Variants in MCC observed in about 807,000 individuals in gnomAD.
MCC encodes MCC regulator of Wnt signaling pathway, also known as colorectal mutant cancer protein.
Under a neutral mutation model 116.2 loss-of-function variants are expected in MCC, and 90 were observed. The ratio of observed to expected loss-of-function variants is 0.77; its 90% CI spans 0.65 to 0.92. The LOEUF is 0.92. MCC is among the 40% of genes least tolerant of loss of function. MCC has a pLI of 0.00. For synonymous variants in MCC, 578 were observed against 510.5 expected (o/e 1.13, Z -1.78); for missense variants, 1,516 against 1,312.2 (o/e 1.16, Z -2.40).
intron 6 of MCC, among the ~76,000 whole-genome samples, chr5:113,120,295 T>TTG (rs1757659765): frequency 6.6e-6 from 1 of 151,952 alleles, no homozygotes; most frequent in Admixed American, 6.6e-5. Flanking sequence ...TTGCAGGGAG[T>TTG]TGTGTGTATT....
chr5:113,046,710 A>AAAAAAAAAAAAAAAAAAAAAAAAAAAAAG lies in MCC; in HGVS notation c.2655+2382_2655+2383insCTTTTTTTTTTTTTTTTTTTTTTTTTTTT. The stretch of plus-strand genomic sequence containing the variant: ...CAAAAAAAAAAAAAAAAAAAAAAAA[A>AAAAAAAAAAAAAAAAAAAAAAAAAAAAAG]AGAGAGAGATTTTGAAGGTGTTTGT... On this transcript the variant is annotated intron_variant, in intron 16 of 18. Transcript: ENST00000408903. Among the ~76,000 whole-genome samples the AAAAAAAAAAAAAAAAAAAAAAAAAAAAAG allele has an allele frequency of 1.3e-3, 133 of 102,460 alleles. 27 individuals are homozygous for AAAAAAAAAAAAAAAAAAAAAAAAAAAAAG. Among genetic ancestry groups the AAAAAAAAAAAAAAAAAAAAAAAAAAAAAG allele is most frequent in the Non-Finnish European group, 1.9e-3 (98 of 51,344 alleles). 67.2% of individuals were successfully genotyped at this position (102,460 alleles called of 152,430 possible). A position where few individuals can be genotyped will look rare whatever the true frequency, so the allele number is the denominator to read the frequency against.
chr5:113,230,395 T>C (rs1277188378), intron 3 of MCC, among the ~76,000 whole-genome samples: 1 of 152,202 alleles, frequency 6.6e-6, no homozygotes, highest in Admixed American at 6.5e-5. Context: ...ATCAATGTGT[T>C]TTCAGAAACT....
chr5:113,239,932 G>A (rs1298957584), intron 3 of MCC, among the ~76,000 whole-genome samples: 1 of 152,156 alleles, frequency 6.6e-6, no homozygotes, highest in African/African-American at 2.4e-5. Context: ...TCTCCACACA[G>A]AGCTCAGGTT....
In MCC at chr5:113,027,173, G is replaced by A; in HGVS notation, c.*129C>T. ...AAGGGTTGAGTTGGGGCACTCCATT[G>A]TCCAAGTGCCGACCTACCTGCCAGC... is the stretch of plus-strand genomic sequence containing the variant. On this transcript the variant is annotated 3_prime_UTR_variant, in exon 19 of 19. Coordinates refer to ENST00000408903, the MANE Select transcript of MCC (RefSeq NM_001085377.2). 1.1e-6 allele frequency: 1 copy of A among 923,224 alleles called. No individual in the cohort carries two copies. Among genetic ancestry groups the A allele is most frequent in the Non-Finnish European group, 1.6e-6 (1 of 621,264 alleles). The allele number at this position is 923,224 out of a possible 1,614,324, so 57.2% of individuals were successfully genotyped here.
rs570921352 is a variant in MCC, at chr5:113,034,781, C to T, written c.2757-5725G>A. ...GTGAGCTCCAAGTTGTTGCATCCAG[C>T]GGTCTGGTCCCTTCTGTCCTTTTCT... On this transcript the variant is annotated intron_variant, in intron 17 of 18. Coordinates refer to ENST00000408903, the MANE Select transcript of MCC (RefSeq NM_001085377.2). Among the ~76,000 whole-genome samples the T allele has an allele frequency of 9.8e-5, 15 of 152,338 alleles. No homozygotes were observed. The South Asian group carries it at 1.2e-3, about 13-fold the overall frequency.
intron 3 of MCC, among the ~76,000 whole-genome samples, chr5:113,320,155 A>G (rs544922046): frequency 1.3e-4 from 20 of 152,344 alleles, no homozygotes; most frequent in African/African-American, 4.3e-4. Context: ...TAGCGTATAT[A>G]AACTTTTGCA....
At chr5:113,478,274 G>A (rs1441006536) in intron 1 of MCC, among the ~76,000 whole-genome samples, 1 of 152,288 alleles carries the variant, frequency 6.6e-6, no homozygotes, top group East Asian at 1.9e-4. Context: ...TGGGCCTTAG[G>A]TGGAATGTAG....
chr5:113,426,206 C>T (rs1449529958), intron 1 of MCC, among the ~76,000 whole-genome samples: 1 of 152,178 alleles, frequency 6.6e-6, no homozygotes, highest in African/African-American at 2.4e-5. Flanking sequence ...TTGGAACTCA[C>T]TCCTTATCTC....
chr5:113,148,715 A>T (rs896254043), intron 4 of MCC, among the ~76,000 whole-genome samples: 1 of 152,242 alleles, frequency 6.6e-6, no homozygotes, highest in Non-Finnish European at 1.5e-5. Flanking sequence ...TTTTAAAGAT[A>T]TAAGTCTGAC....
intron 1 of MCC, among the ~76,000 whole-genome samples, chr5:113,393,853 G>T (rs1769460696): frequency 6.6e-6 from 1 of 152,028 alleles, no homozygotes; most frequent in Non-Finnish European, 1.5e-5. Context: ...TCCCATCTCT[G>T]TATGAAAGGT....
At chr5:113,336,207 C>T (rs1201251162) in intron 3 of MCC, among the ~76,000 whole-genome samples, 3 of 151,630 alleles carry the variant, frequency 2.0e-5, no homozygotes, top group Non-Finnish European at 2.9e-5. Context: ...TCTTAATTGT[C>T]CCACCTCTTA....
At chr5:113,204,779 T>G (rs543516470) in intron 3 of MCC, among the ~76,000 whole-genome samples, 1 of 152,376 alleles carries the variant, frequency 6.6e-6, no homozygotes, top group South Asian at 2.1e-4. Context: ...CTGATCATAT[T>G]ACCTTTTGCC....
At chr5:113,483,938 C>G (rs1038846258) in intron 1 of MCC, among the ~76,000 whole-genome samples, 12 of 152,094 alleles carry the variant, frequency 7.9e-5, no homozygotes, top group African/African-American at 2.9e-4. Context: ...CAAACTAACA[C>G]AAGAACAGAA....
intron 3 of MCC, among the ~76,000 whole-genome samples, chr5:113,212,204 C>T (rs1235943174): frequency 6.6e-6 from 1 of 152,176 alleles, no homozygotes; most frequent in Non-Finnish European, 1.5e-5. Context: ...TATAACCAAT[C>T]TTTATCAATT....
At chr5:113,029,124 G>A (rs188531068) in intron 17 of MCC, 68 bp from the exon 18 acceptor site, 7 of 1,488,140 alleles carry the variant, frequency 4.7e-6, no homozygotes, top group Admixed American at 2.0e-5. Context: ...CACTCCCTGG[G>A]AAGTGGTGAC....
chr5:113,232,515 C>T (rs680503), intron 3 of MCC, among the ~76,000 whole-genome samples: 75,151 of 151,902 alleles, frequency 0.49, 21,757 homozygotes, highest in African/African-American at 0.81. Context: ...TGAATTCGCA[C>T]GCCCAAAAAA....
intron 3 of MCC, among the ~76,000 whole-genome samples, chr5:113,228,163 A>G (rs1436441526): frequency 2.0e-5 from 3 of 152,234 alleles, no homozygotes; most frequent in African/African-American, 7.2e-5. Context: ...GAATAGGTAC[A>G]GGGCCTGCTA....
At chr5:113,119,661 C>T (rs141801140) in intron 6 of MCC, among the ~76,000 whole-genome samples, 1 of 152,216 alleles carries the variant, frequency 6.6e-6, no homozygotes, top group East Asian at 1.9e-4. Context: ...TCTTTCATCC[C>T]CAGTACCTAG....
intron 11 of MCC, among the ~76,000 whole-genome samples, chr5:113,080,779 A>T (rs571293200): frequency 2.6e-4 from 39 of 151,426 alleles, no homozygotes; most frequent in African/African-American, 7.0e-4. Flanking sequence ...TTGTGCACAT[A>T]TACCCTAGAA....
Sources: allele counts gnomAD v4.1 joint callset (sites outside exome capture counted in the v4.1 genomes callset), GRCh38; gene constraint gnomAD v4.1.1; transcripts MANE v1.5; gene names NCBI Gene and HGNC (gene_info 2026-07-23, HGNC 2026-07-21).